LAMA1: variants seen among roughly 807,000 people sequenced by gnomAD.
The protein encoded by LAMA1 is laminin subunit alpha-1.
Under a neutral mutation model 348.7 loss-of-function variants are expected in LAMA1, and 219 were observed. The observed-to-expected ratio is 0.63, with a 90% CI of 0.56 to 0.70. The LOEUF is 0.70. Among genes scored for constraint, LAMA1 ranks in the 30% least tolerant of loss-of-function variants. The pLI, the probability that LAMA1 is intolerant of heterozygous loss-of-function variation, is 0.00. For synonymous variants in LAMA1, 1,487 were observed against 1,491.0 expected (o/e 1.00, Z 0.06); for missense variants, 3,744 against 3,888.0 (o/e 0.96, Z 0.99).
chr18:6,983,485 C>T (rs1423015057), intron 39 of LAMA1, among the ~76,000 whole-genome samples: 2 of 152,182 alleles, frequency 1.3e-5, no homozygotes, highest in Non-Finnish European at 1.5e-5. Flanking sequence ...GAGACTATTG[C>T]TGTTTCCCTT....
intron 48 of LAMA1, among the ~76,000 whole-genome samples, chr18:6,969,449 T>C (rs568324973): frequency 6.6e-6 from 1 of 152,300 alleles, no homozygotes; most frequent in African/African-American, 2.4e-5. Flanking sequence ...AATTAAAGGC[T>C]CCGATGGCCT....
At chr18:6,987,316 G>A (rs2057739737) in intron 36 of LAMA1, among the ~76,000 whole-genome samples, 1 of 152,158 alleles carries the variant, frequency 6.6e-6, no homozygotes, top group Non-Finnish European at 1.5e-5. Context: ...GCAAGAAATT[G>A]AAAGAAAGCT....
chr18:6,995,537 CAGAA>C (rs970608330), intron 33 of LAMA1, 91 bp from the exon 34 acceptor site: 1 of 773,110 alleles, frequency 1.3e-6, no homozygotes, highest in African/African-American at 1.7e-5. Flanking sequence ...TTTTTGTTCA[CAGAA>C]AGAAATTCTT....
At position 6,982,401 on chromosome 18, in the gene LAMA1, C is replaced by T. The variant is rs1451459205; in HGVS notation, c.5890+96G>A. The T allele has an allele frequency of 5.1e-6, 5 of 986,742 alleles. No homozygotes were observed. In the East Asian group the frequency reaches 9.5e-5, roughly 19 times the overall value. The allele number at this position is 986,742 out of a possible 1,614,324, so 61.1% of individuals were successfully genotyped here. A position where few individuals can be genotyped will look rare whatever the true frequency, so the allele number is the denominator to read the frequency against. ...AATGGGACACAGAAATGCTAAGCTT[C>T]AAGTTGCTGCATGCAAGGAGAACAT... On this transcript the variant is annotated intron_variant, in intron 41 of 62. Coordinates refer to ENST00000389658, the MANE Select transcript of LAMA1 (RefSeq NM_005559.4).
intron 28 of LAMA1, among the ~76,000 whole-genome samples, chr18:7,007,913 T>TTATTTATTTA (rs59784736): frequency 0.024 from 3,316 of 136,810 alleles, 58 homozygotes; most frequent in African/African-American, 0.05. Context: ...ATTACTCCAC[T>TTATTTATTTA]TTTATTTATT....
chr18:7,010,971 T>A (rs1488180857), intron 25 of LAMA1, among the ~76,000 whole-genome samples: 1 of 152,206 alleles, frequency 6.6e-6, no homozygotes, highest in Admixed American at 6.5e-5. Context: ...ATTATAATAA[T>A]AACTTTCGCA....
At chr18:7,032,253 G>A (rs1260989602) in intron 15 of LAMA1, 77 bp from the exon 16 acceptor site, 9 of 920,248 alleles carry the variant, frequency 9.8e-6, no homozygotes, top group East Asian at 5.0e-5. Flanking sequence ...GTACAGAAAT[G>A]TCTTTTTTCT....
chr18:7,028,859 G>A (rs2057956099), intron 16 of LAMA1, among the ~76,000 whole-genome samples: 2 of 152,182 alleles, frequency 1.3e-5, no homozygotes, highest in South Asian at 2.1e-4. Context: ...CGAAGGGAGC[G>A]GGGCTTGTTC....
chr18:7,011,161 A>AAGTGGG, intron 25 of LAMA1, 139 bp downstream of exon 25: 1 of 947,258 alleles, frequency 1.1e-6, no homozygotes. Flanking sequence ...TGAGCATTAA[A>AAGTGGG]CTTCTCTGAT....
At chr18:7,092,257 C>T (rs886736399) in intron 1 of LAMA1, among the ~76,000 whole-genome samples, 34 of 152,156 alleles carry the variant, frequency 2.2e-4, no homozygotes, top group African/African-American at 6.8e-4. Context: ...CTGTATATAA[C>T]AAGAATTGTC....
intron 24 of LAMA1, 49 bp from the exon 25 acceptor site, chr18:7,011,528 A>T (rs8097011): frequency 0.029 from 43,073 of 1,505,224 alleles, 1,080 homozygotes; most frequent in African/African-American, 0.11. Context: ...CGAACTTTCC[A>T]CTCCAGTTTC....
intron 48 of LAMA1, among the ~76,000 whole-genome samples, chr18:6,966,848 G>T (rs979083127): frequency 3.3e-5 from 5 of 152,190 alleles, no homozygotes; most frequent in Admixed American, 1.3e-4. Flanking sequence ...TACGTAGGTT[G>T]AAACAGGGAT....
At chr18:7,022,367 T>C (rs138098786) in intron 19 of LAMA1, among the ~76,000 whole-genome samples, 6 of 152,210 alleles carry the variant, frequency 3.9e-5, no homozygotes, top group African/African-American at 1.2e-4. Flanking sequence ...CCTGGTATGA[T>C]AGCCAGTCAA....
rs5822933 is a variant in LAMA1, at chr18:6,954,754, C to CTCAG, written c.8207+598_8207+599insCTGA. On this transcript the variant is annotated intron_variant, in intron 57 of 62. Transcript: ENST00000389658. ...TCTAAGGGGGTATGACAGGGTGGCA[C>CTCAG]AGCCAATGACAACAAGACGGGCAGG... 13 of 177,090 alleles carry CTCAG rather than the reference C, an allele frequency of 7.3e-5. No individual in the cohort carries two copies. In the South Asian group the frequency reaches 1.5e-3, roughly 20 times the overall value. 11.0% of individuals were successfully genotyped at this position (177,090 alleles called of 1,614,324 possible).
At chr18:7,012,424 C>G (rs1333087180) in intron 23 of LAMA1, among the ~76,000 whole-genome samples, 2 of 151,270 alleles carry the variant, frequency 1.3e-5, no homozygotes, top group African/African-American at 2.4e-5. Context: ...CGCCTCGAGT[C>G]TCCAGGTGAT....
intron 56 of LAMA1, 60 bp from the exon 57 acceptor site, chr18:6,955,525 C>T (rs775914341): frequency 3.2e-5 from 39 of 1,227,794 alleles, no homozygotes; most frequent in Non-Finnish European, 4.3e-5. Context: ...CACTGACACA[C>T]GCGTGTTCCG....
At chr18:7,079,712 G>A in intron 3 of LAMA1, 1 of 497,506 alleles carries the variant, frequency 2.0e-6, no homozygotes, top group Admixed American at 3.2e-5. Flanking sequence ...GGATGGATGA[G>A]TGTGCCCTGT....
At chr18:7,017,162 T>G (rs2057892374) in intron 20 of LAMA1, 116 bp downstream of exon 20, 6 of 816,552 alleles carry the variant, frequency 7.3e-6, no homozygotes, top group Non-Finnish European at 1.3e-5. Context: ...TTGGGTAGTA[T>G]CTCTATAGCA....
chr18:7,093,749 T>C (rs1180252964), intron 1 of LAMA1, among the ~76,000 whole-genome samples: 5 of 150,468 alleles, frequency 3.3e-5, no homozygotes, highest in Admixed American at 2.7e-4. Context: ...GGTAGAGAGA[T>C]AAGAATTACT....
Sources: allele counts gnomAD v4.1 joint callset (sites outside exome capture counted in the v4.1 genomes callset), GRCh38; gene constraint gnomAD v4.1.1; transcripts MANE v1.5; gene names NCBI Gene and HGNC (gene_info 2026-07-23, HGNC 2026-07-21).